The following PATJ variants were observed in gnomAD, a reference collection of about 807,000 sequenced individuals.
PATJ encodes PATJ crumbs cell polarity complex component.
In PATJ, 190 loss-of-function variants were observed where a neutral mutation model predicts 224.9. That is an observed-to-expected ratio of 0.84 (90% CI 0.75 to 0.95). The LOEUF is 0.95. PATJ is among the 40% of genes least tolerant of loss of function. The pLI is 0.00. For synonymous variants in PATJ, 769 were observed against 820.3 expected (o/e 0.94, Z 1.07); for missense variants, 2,121 against 2,270.3 (o/e 0.93, Z 1.34).
At chr1:62,132,722 G>A (rs1666387106) in intron 41 of PATJ, among the ~76,000 whole-genome samples, 2 of 152,060 alleles carry the variant, frequency 1.3e-5, no homozygotes, top group Admixed American at 1.3e-4. Context: ...GGGCAACATG[G>A]TGAGACCCCG....
chr1:62,049,418 T>C lies in PATJ; in HGVS notation c.4033-1548T>C, dbSNP rs1020002389. On this transcript the variant is annotated intron_variant, in intron 30 of 43. Transcript: ENST00000642238. ...GTCCATTTGATAGTTGAAAGAATGC[T>C]CTCTTTGCTTTAATTGCATCAAATT... Among the ~76,000 whole-genome samples the C allele has an allele frequency of 2.6e-5, 4 of 152,200 alleles. No individual in the cohort carries two copies. The East Asian group carries it at 5.8e-4, about 22-fold the overall frequency.
At chr1:62,159,678 C>T (rs931875269) in intron 43 of PATJ, among the ~76,000 whole-genome samples, 1 of 151,728 alleles carries the variant, frequency 6.6e-6, no homozygotes, top group East Asian at 1.9e-4. Context: ...CTCAGCCTCC[C>T]GAGGAGCTGG....
chr1:61,850,268 G>A (rs1337729389), intron 17 of PATJ, among the ~76,000 whole-genome samples: 1 of 152,148 alleles, frequency 6.6e-6, no homozygotes, highest in Non-Finnish European at 1.5e-5. Context: ...CTTTGGGAAT[G>A]TACACAAATA....
chr1:62,084,450 A>T (rs1659690208), intron 32 of PATJ, 65 bp from the exon 33 acceptor site: 1 of 1,535,284 alleles, frequency 6.5e-7, no homozygotes, highest in Non-Finnish European at 8.8e-7. Context: ...TCCCCACGTG[A>T]TGGAACGTGC....
At chr1:61,838,306 T>C (rs1660515045) in intron 17 of PATJ, among the ~76,000 whole-genome samples, 1 of 152,064 alleles carries the variant, frequency 6.6e-6, no homozygotes, top group African/African-American at 2.4e-5. Context: ...TGGCAAACAA[T>C]GCGTGTAATT....
Position 62,097,878 on chromosome 1 carries a change from A to G in PATJ, c.4378-10559A>G, listed in dbSNP as rs1558163674. 2.6e-5 allele frequency among the ~76,000 whole-genome samples: 4 copies of G among 152,334 alleles called. No individual in the cohort carries two copies. In the South Asian group the frequency reaches 8.3e-4, roughly 32 times the overall value. ...GAGGTCTTATTCTTAGGTAGGACCT[A>G]AATATCTGTATAAAACAGTGACTTT... On this transcript the variant is annotated intron_variant, in intron 33 of 43. Coordinates refer to ENST00000642238, the MANE Select transcript of PATJ (RefSeq NM_001350145.3).
chr1:62,101,801 G>A lies in PATJ; in HGVS notation c.4378-6636G>A, dbSNP rs529293320. On this transcript the variant is annotated intron_variant, in intron 33 of 43. Transcript: ENST00000642238. The stretch of plus-strand genomic sequence containing the variant: ...AATCCTGTCTGACCCTTCTGGCTAT[G>A]AGAAAACCACTATTTGGGAGATTCT... Among the ~76,000 whole-genome samples, 4 of 152,306 alleles carry A rather than the reference G, an allele frequency of 2.6e-5. No homozygotes were observed. In the East Asian group the frequency reaches 7.7e-4, roughly 29 times the overall value.
chr1:61,909,629 C>T (rs1325153127), intron 25 of PATJ, among the ~76,000 whole-genome samples: 1 of 152,126 alleles, frequency 6.6e-6, no homozygotes, highest in African/African-American at 2.4e-5. Context: ...CATGCCACTA[C>T]ACCTGGTGAA....
intron 21 of PATJ, among the ~76,000 whole-genome samples, chr1:61,876,342 GAAAAATGGGACTTCCCAAAAT>G (rs1185083895): frequency 2.0e-5 from 3 of 152,176 alleles, no homozygotes; most frequent in East Asian, 3.9e-4. Flanking sequence ...ATGACTAGAA[GAAAAATGGGACTTCCCAAAAT>G]AAAACTCTCC....
At position 61,861,664 on chromosome 1, in the gene PATJ, C is replaced by A; in HGVS notation, c.2436C>A (p.Pro812=). ...ATTCATCTTTAATACTCGAAGCACC[C>A]AAGGTATTTAATAAATTTATTTCCC... The part of the protein sequence containing the change: ...DINSSLILEA[P]KGFRDEPYFK... Residue 812 remains proline (P), a synonymous_variant, in exon 19 of 44, where the codon CCC becomes CCA. Coordinates refer to ENST00000642238, the MANE Select transcript of PATJ (RefSeq NM_001350145.3). 1 of 1,297,868 alleles carries A rather than the reference C, an allele frequency of 7.7e-7. No individual in the cohort carries two copies. The highest frequency in any genetic ancestry group is 1.0e-6 in the Non-Finnish European group (1 of 955,328). 80.4% of individuals were successfully genotyped at this position (1,297,868 alleles called of 1,614,324 possible). A position where few individuals can be genotyped will look rare whatever the true frequency, so the allele number is the denominator to read the frequency against.
At position 61,824,814 on chromosome 1, in the gene PATJ, A is replaced by G. The variant is rs1286817; in HGVS notation, c.1818+1735A>G. 8.1e-3 allele frequency among the ~76,000 whole-genome samples: 1,226 copies of G among 152,276 alleles called. 19 individuals are homozygous for G. Among genetic ancestry groups the G allele is most frequent in the African/African-American group, 0.029 (1,188 of 41,552 alleles). Reference sequence around the variant, plus strand: ...TAGGCACTAAAGAAATGTTGGCTGGATCACAGTATAGAAAGTATAGGTGAT... The same window carrying G: ...TAGGCACTAAAGAAATGTTGGCTGGGTCACAGTATAGAAAGTATAGGTGAT... On this transcript the variant is annotated intron_variant, in intron 15 of 43. Coordinates refer to ENST00000642238, the MANE Select transcript of PATJ (RefSeq NM_001350145.3).
chr1:62,061,512 C>T (rs1202546265), intron 31 of PATJ, among the ~76,000 whole-genome samples: 7 of 151,766 alleles, frequency 4.6e-5, no homozygotes, highest in Admixed American at 3.3e-4. Context: ...CCATGTGTAT[C>T]CAGTGTTTAG....
chr1:61,944,884 G>A (rs183110223), intron 27 of PATJ, among the ~76,000 whole-genome samples: 30 of 152,330 alleles, frequency 2.0e-4, no homozygotes, highest in Admixed American at 6.5e-4. Flanking sequence ...TCTCTCAGCA[G>A]AGACTCTACA....
chr1:61,796,671 T>TTTCTTTCTTTCTTTCTTTCTTTC (rs1557660339), intron 10 of PATJ, among the ~76,000 whole-genome samples: 44 of 28,540 alleles, frequency 1.5e-3, no homozygotes, highest in African/African-American at 2.6e-3. Flanking sequence ...TCTTTCTTTC[T>TTTCTTTCTTTCTTTCTTTCTTTC]TTCTTTCTTT....
intron 29 of PATJ, among the ~76,000 whole-genome samples, chr1:62,027,227 T>C (rs541157355): frequency 6.6e-6 from 1 of 152,374 alleles, no homozygotes; most frequent in East Asian, 1.9e-4. Flanking sequence ...GCAGTATTTG[T>C]CCTTCTGTGA....
chr1:62,131,408 C>A (rs1463879935), intron 41 of PATJ, among the ~76,000 whole-genome samples: 4 of 152,148 alleles, frequency 2.6e-5, no homozygotes, highest in African/African-American at 9.7e-5. Context: ...AAGTCTCTCT[C>A]CCTTAGCAAA....
chr1:61,794,380 G>A (rs1450979857), intron 9 of PATJ, among the ~76,000 whole-genome samples: 1 of 150,188 alleles, frequency 6.7e-6, no homozygotes, highest in Admixed American at 6.6e-5. Context: ...CCTGGGCTCA[G>A]GTGATCCTCC....
chr1:61,982,123 G>C (rs938619249), intron 27 of PATJ, among the ~76,000 whole-genome samples: 1 of 151,952 alleles, frequency 6.6e-6, no homozygotes. Context: ...TGGGGGCAGG[G>C]GGCTTTCTAG....
At chr1:61,855,663 C>T (rs1663539523) in intron 17 of PATJ, among the ~76,000 whole-genome samples, 1 of 152,214 alleles carries the variant, frequency 6.6e-6, no homozygotes, top group Non-Finnish European at 1.5e-5. Context: ...ATCCTCCTGC[C>T]TTGGCCTCCC....
Sources: gnomAD v4.1 joint callset for allele counts (sites outside exome capture counted in the v4.1 genomes callset) on GRCh38, gnomAD v4.1.1 for gene constraint, MANE v1.5 for transcripts, NCBI Gene and HGNC (gene_info 2026-07-23, HGNC 2026-07-21) for gene names.